The following NPAT variants were observed in gnomAD, a reference collection of about 807,000 sequenced individuals.
The protein encoded by NPAT is nuclear protein, coactivator of histone transcription, also known as protein NPAT.
NPAT carries 52 observed loss-of-function variants against 130.7 expected under a neutral mutation model. That is an observed-to-expected ratio of 0.40 (90% CI 0.32 to 0.50). The LOEUF (loss-of-function observed/expected upper bound fraction) is 0.50. NPAT is among the 20% of genes least tolerant of loss of function. NPAT has a pLI of 0.68. For missense variants in NPAT, 1,687 were observed against 1,662.6 expected, an observed-to-expected ratio of 1.01 and a Z score of -0.26; for synonymous variants, 580 against 584.8, an observed-to-expected ratio of 0.99 and a Z score of 0.12.
intron 17 of NPAT, 92 bp downstream of exon 17, chr11:108,160,788 A>AGTCAAGTT: frequency 2.7e-6 from 3 of 1,115,634 alleles, no homozygotes; most frequent in Non-Finnish European, 3.9e-6. Flanking sequence ...CATAACGTTC[A>AGTCAAGTT]GTCAAGTTGT....
chr11:108,175,434 A>G (rs2077996282), intron 12 of NPAT, among the ~76,000 whole-genome samples: 1 of 152,202 alleles, frequency 6.6e-6, no homozygotes, highest in South Asian at 2.1e-4. Context: ...ATTGTGGGGA[A>G]AACAGTAGAA....
At chr11:108,193,929 CA>C (rs764214298) in intron 3 of NPAT, 27 bp downstream of exon 3, 2 of 1,386,372 alleles carry the variant, frequency 1.4e-6, no homozygotes, top group Non-Finnish European at 2.1e-6. Context: ...TATACATCAG[CA>C]AAAAAACTCC....
At chr11:108,183,375 G>A (rs1222911171) in intron 10 of NPAT, among the ~76,000 whole-genome samples, 2 of 152,068 alleles carry the variant, frequency 1.3e-5, no homozygotes, top group Non-Finnish European at 2.9e-5. Context: ...GGGCTCAATG[G>A]CTTTACTCAG....
intron 1 of NPAT, among the ~76,000 whole-genome samples, chr11:108,209,887 T>TAA (rs2078367659): frequency 4.4e-5 from 1 of 22,524 alleles, no homozygotes; most frequent in African/African-American, 2.3e-4. Context: ...AGACTTCATC[T>TAA]CAAAAAAAAA....
At chr11:108,178,081 G>T (rs546213746) in intron 10 of NPAT, among the ~76,000 whole-genome samples, 1 of 152,200 alleles carries the variant, frequency 6.6e-6, no homozygotes, top group Admixed American at 6.5e-5. Flanking sequence ...CTGCTTTATA[G>T]GTCCTTCAAT....
chr11:108,181,532 A>C lies in NPAT; in HGVS notation c.906+3700T>G, dbSNP rs140320261. Among the ~76,000 whole-genome samples the C allele has an allele frequency of 4.1e-3, 629 of 152,314 alleles. 3 individuals are homozygous for C. The highest frequency in any genetic ancestry group is 0.014 in the African/African-American group (586 of 41,578). ...CAACAATGTGAATATAATTAACATT[A>C]CCAAACTGTACACTTAGTAATTGTC... On this transcript the variant is annotated intron_variant, in intron 10 of 17. Transcript: ENST00000278612.
chr11:108,218,304 A>T (rs1189978862), intron 1 of NPAT, among the ~76,000 whole-genome samples: 1 of 152,212 alleles, frequency 6.6e-6, no homozygotes, highest in Non-Finnish European at 1.5e-5. Flanking sequence ...AAGAGAAGAA[A>T]GGATAAGATC....
At position 108,172,579 on chromosome 11, in the gene NPAT, G is replaced by C; in HGVS notation, c.2405C>G (p.Ala802Gly). The change falls in exon 13 of 18, where the codon GCC becomes GGC. Residue 802 changes from alanine (A) to glycine (G), a missense_variant. Coordinates refer to ENST00000278612, the MANE Select transcript of NPAT (RefSeq NM_002519.3). ...SEETVGAVVY[A>G]EVGDSASMEQ... is the part of the protein sequence containing the mutation. ...CATTGAGGCTGAATCCCCTACTTCGGCATATACAACAGCACCTACAGTTTC... is the reference window on the plus strand; with the variant it reads ...CATTGAGGCTGAATCCCCTACTTCGCCATATACAACAGCACCTACAGTTTC... 6.2e-7 allele frequency: 1 copy of C among 1,614,122 alleles called. No homozygotes were observed. The highest frequency in any genetic ancestry group is 8.5e-7 in the Non-Finnish European group (1 of 1,180,016).
At chr11:108,163,989 A>C (rs751299974) in intron 15 of NPAT, among the ~76,000 whole-genome samples, 239 of 152,336 alleles carry the variant, frequency 1.6e-3, no homozygotes, top group Non-Finnish European at 2.1e-3. Flanking sequence ...TATAGAAGAT[A>C]AGAAACTGGA....
chr11:108,222,610 C>A lies in NPAT; in HGVS notation c.-74G>T. The stretch of plus-strand genomic sequence containing the variant: ...AGCAAACACAGCGACAGCTCCTGCG[C>A]CGCATCTCCTGGTTCCAGTGGCGGC... On this transcript the variant is annotated 5_prime_UTR_variant, in exon 1 of 18. Coordinates refer to ENST00000278612, the MANE Select transcript of NPAT (RefSeq NM_002519.3). The A allele has an allele frequency of 6.5e-7, 1 of 1,533,140 alleles. No homozygotes were observed. The highest frequency in any genetic ancestry group is 9.0e-7 in the Non-Finnish European group (1 of 1,112,890). The allele number at this position is 1,533,140 out of a possible 1,614,324, so 95.0% of individuals were successfully genotyped here.
At chr11:108,218,211 CATA>C (rs1255170163) in intron 1 of NPAT, among the ~76,000 whole-genome samples, 6 of 152,218 alleles carry the variant, frequency 3.9e-5, no homozygotes, top group South Asian at 4.1e-4. Flanking sequence ...TCCTTCTTAA[CATA>C]ATATTATCTT....
chr11:108,216,033 A>C (rs1220666526), intron 1 of NPAT, among the ~76,000 whole-genome samples: 1 of 152,202 alleles, frequency 6.6e-6, no homozygotes, highest in Non-Finnish European at 1.5e-5. Context: ...CGACCGTTAT[A>C]ATATTTGGAA....
intron 17 of NPAT, 59 bp downstream of exon 17, chr11:108,160,821 G>A (rs1469389373): frequency 6.1e-6 from 9 of 1,467,236 alleles, no homozygotes; most frequent in African/African-American, 4.2e-5. Flanking sequence ...TGCTGAATTC[G>A]CTAATCACTA....
chr11:108,218,418 A>G (rs1251122795), intron 1 of NPAT, among the ~76,000 whole-genome samples: 1 of 152,176 alleles, frequency 6.6e-6, no homozygotes, highest in Non-Finnish European at 1.5e-5. Flanking sequence ...ATGTGAAAAC[A>G]TCTCCTTCAC....
Position 108,185,288 on chromosome 11 carries a change from T to C in NPAT, c.850A>G (p.Thr284Ala). Reference sequence around the variant, plus strand: ...TCTGGCTCCGTAGGGTTGTTATCTGTTTGCTTAGGTACTTGGGCAATATTG... The same window carrying C: ...TCTGGCTCCGTAGGGTTGTTATCTGCTTGCTTAGGTACTTGGGCAATATTG... The part of the protein sequence containing the change: ...DNNIAQVPKQ[T>A]DNNPTEPETS... Residue 284 changes from threonine (T) to alanine (A), a missense_variant, in exon 10 of 18, where the codon ACA becomes GCA. Coordinates refer to ENST00000278612, the MANE Select transcript of NPAT (RefSeq NM_002519.3). 6.2e-7 allele frequency: 1 copy of C among 1,612,246 alleles called. No homozygotes were observed. The highest frequency in any genetic ancestry group is 8.5e-7 in the Non-Finnish European group (1 of 1,178,862).
Position 108,161,836 on chromosome 11 carries a change from C to G in NPAT, c.3250G>C (p.Val1084Leu). ...ANTQGPNHKM[V>L]SQNKERNAVS... is the part of the protein sequence containing the mutation. ...GCATTCCTTTCTTTGTTTTGGGACA[C>G]CATCTTATGGTTTGGCCCCTGCGTA... Residue 1084 changes from valine to leucine, a missense_variant, in exon 17 of 18, where the codon GTG (valine) becomes CTG (leucine). Val to Leu is a conservative substitution (Grantham distance 32, BLOSUM62 1). Around this residue, in one of 3 missense-constraint regions of NPAT, gnomAD observed 1,379 missense variants for 1,346.6 expected, o/e 1.02. Coordinates refer to ENST00000278612, the MANE Select transcript of NPAT (RefSeq NM_002519.3). The G allele has an allele frequency of 6.2e-7, 1 of 1,614,070 alleles. No homozygotes were observed. The highest frequency in any genetic ancestry group is 8.5e-7 in the Non-Finnish European group (1 of 1,180,014).
chr11:108,169,675 T>C, intron 15 of NPAT, 69 bp downstream of exon 15: 1 of 1,109,800 alleles, frequency 9.0e-7, no homozygotes, highest in Non-Finnish European at 1.4e-6. Context: ...AAAGAAAACA[T>C]TTAGGTGTTG....
At chr11:108,171,115 G>GA (rs1349836579) in intron 13 of NPAT, 3 of 141,876 alleles carry the variant, frequency 2.1e-5, no homozygotes, top group African/African-American at 7.7e-5. Flanking sequence ...GAGCCCCTAT[G>GA]AAAAAAGGAT....
In NPAT at chr11:108,193,952, C is replaced by G; in HGVS notation, c.217+5G>C. On this transcript the variant is annotated splice_donor_5th_base_variant and intron_variant, in intron 3 of 17. Coordinates refer to ENST00000278612, the MANE Select transcript of NPAT (RefSeq NM_002519.3). ...AGCAAAAAAACTCCAAATCAGAACT[C>G]TTACCTTTTGTTTTCATAGCTACAT... 6.5e-7 allele frequency: 1 copy of G among 1,542,006 alleles called. No individual in the cohort carries two copies.
Sources: allele counts gnomAD v4.1 joint callset (sites outside exome capture counted in the v4.1 genomes callset), GRCh38; gene constraint gnomAD v4.1.1; regional missense constraint gnomAD v4.1.1; transcripts MANE v1.5; gene names NCBI Gene and HGNC (gene_info 2026-07-23, HGNC 2026-07-21).